The following RARB variants were observed in gnomAD, a reference collection of about 807,000 sequenced individuals.
RARB encodes the protein HBV-activated protein.
Under a neutral mutation model 51.9 loss-of-function variants are expected in RARB, and 17 were observed. The observed-to-expected ratio is 0.33, with a 90% CI of 0.22 to 0.49. The LOEUF is 0.49. Among genes scored for constraint, RARB ranks in the 20% least tolerant of loss-of-function variants. The probability of loss-of-function intolerance (pLI) is 0.99; values close to 1 mark genes in which losing one functional copy is unlikely to be tolerated. For missense variants in RARB, 369 were observed against 550.8 expected (o/e 0.67, Z 3.30); for synonymous variants, 215 against 195.4 (o/e 1.10, Z -0.84).
intron 4 of RARB, among the ~76,000 whole-genome samples, chr3:25,169,663 T>A (rs1041002245): frequency 3.9e-5 from 6 of 152,110 alleles, no homozygotes; most frequent in Admixed American, 1.3e-4. Flanking sequence ...TTAAGAGAGT[T>A]ATATCATATT....
At chr3:25,345,060 G>A (rs1178272087) in intron 5 of RARB, among the ~76,000 whole-genome samples, 1 of 152,186 alleles carries the variant, frequency 6.6e-6, no homozygotes, top group Non-Finnish European at 1.5e-5. Flanking sequence ...CAGACATGCT[G>A]AAGTTTGGAT....
At chr3:25,292,691 C>A (rs1703818788) in intron 5 of RARB, among the ~76,000 whole-genome samples, 1 of 152,152 alleles carries the variant, frequency 6.6e-6, no homozygotes, top group Admixed American at 6.5e-5. Flanking sequence ...AAGCTAGACT[C>A]CTCAGGAGCT....
chr3:25,375,589 A>G (rs763597774), intron 5 of RARB, among the ~76,000 whole-genome samples: 4 of 152,146 alleles, frequency 2.6e-5, no homozygotes, highest in Non-Finnish European at 4.4e-5. Context: ...GGGCTAATAT[A>G]TATAGGTCAA....
chr3:24,880,398 AAAG>A (rs1703136790), intron 2 of RARB, among the ~76,000 whole-genome samples: 1 of 152,190 alleles, frequency 6.6e-6, no homozygotes, highest in African/African-American at 2.4e-5. Context: ...TGGAGAGATA[AAAG>A]AAGATAAAGC....
At chr3:24,900,803 G>A (rs989100539) in intron 2 of RARB, among the ~76,000 whole-genome samples, 6 of 152,124 alleles carry the variant, frequency 3.9e-5, no homozygotes, top group Non-Finnish European at 5.9e-5. Context: ...GTGATACCAC[G>A]AAAGTGATGT....
At chr3:25,459,206 G>A (rs531202681) in intron 1 of RARB, among the ~76,000 whole-genome samples, 2 of 152,296 alleles carry the variant, frequency 1.3e-5, no homozygotes, top group African/African-American at 4.8e-5. Flanking sequence ...ATCATCTCTG[G>A]GAAGGTAGCA....
chr3:25,491,834 G>C (rs534113704), intron 2 of RARB, among the ~76,000 whole-genome samples: 141 of 152,120 alleles, frequency 9.3e-4, no homozygotes, highest in Non-Finnish European at 1.3e-3. Context: ...CTAGCTACTC[G>C]GAAGGCTGAG....
intron 3 of RARB, among the ~76,000 whole-genome samples, chr3:25,097,384 G>A (rs913267780): frequency 1.3e-5 from 2 of 152,148 alleles, no homozygotes; most frequent in African/African-American, 4.8e-5. Flanking sequence ...CATTGAGGGG[G>A]TTACTTGAAT....
At chr3:25,425,746 C>T (rs557794916), upstream of RARB, among the ~76,000 whole-genome samples, 6 of 152,116 alleles carry the variant, frequency 3.9e-5, no homozygotes, top group South Asian at 6.2e-4. Context: ...GTAAGAAATT[C>T]GGAAGCAGTG....
intron 5 of RARB, among the ~76,000 whole-genome samples, chr3:25,356,313 G>A (rs759665795): frequency 2.0e-5 from 3 of 151,798 alleles, no homozygotes; most frequent in Non-Finnish European, 4.4e-5. Context: ...TTTAACTATA[G>A]GAGGGAAAAA....
intron 4 of RARB, among the ~76,000 whole-genome samples, chr3:25,132,805 T>C (rs943682943): frequency 2.6e-5 from 4 of 151,928 alleles, no homozygotes; most frequent in Non-Finnish European, 5.9e-5. Context: ...CCACAATGTG[T>C]ATATGTATCA....
intron 3 of RARB, among the ~76,000 whole-genome samples, chr3:25,562,735 C>T (rs1352079949): frequency 3.3e-5 from 5 of 152,318 alleles, no homozygotes; most frequent in African/African-American, 1.2e-4. Flanking sequence ...CAAGGACGCG[C>T]ACCACACCGT....
Position 25,501,052 on chromosome 3 carries a change from A to G in RARB, c.307-130A>G, listed in dbSNP as rs912397031. 51 of 1,096,968 alleles carry G rather than the reference A, an allele frequency of 4.6e-5. No individual in the cohort carries two copies. The African/African-American group carries it at 7.3e-4, about 16-fold the overall frequency. 68.0% of individuals were successfully genotyped at this position (1,096,968 alleles called of 1,614,324 possible). On this transcript the variant is annotated intron_variant, in intron 2 of 7. Coordinates refer to ENST00000330688, the MANE Select transcript of RARB (RefSeq NM_000965.5). Reference sequence around the variant, plus strand: ...CTCACGAGGATTTTAAGGTTTATGTAAGTTAACTTTTCTGCTGCCATCACT... The same window carrying G: ...CTCACGAGGATTTTAAGGTTTATGTGAGTTAACTTTTCTGCTGCCATCACT...
At chr3:25,171,646 A>T (rs1478360408) in intron 4 of RARB, among the ~76,000 whole-genome samples, 1 of 145,786 alleles carries the variant, frequency 6.9e-6, no homozygotes, top group Non-Finnish European at 1.5e-5. Flanking sequence ...TGGTTGGTAA[A>T]AAAAAAAAAA....
chr3:25,345,195 G>A (rs372029411), intron 5 of RARB, among the ~76,000 whole-genome samples: 1 of 152,170 alleles, frequency 6.6e-6, no homozygotes, highest in Non-Finnish European at 1.5e-5. Flanking sequence ...GTTCAGTGCT[G>A]TAAGAGTCAA....
chr3:25,274,266 C>T (rs1703324904), intron 5 of RARB, among the ~76,000 whole-genome samples: 1 of 152,134 alleles, frequency 6.6e-6, no homozygotes, highest in Admixed American at 6.6e-5. Flanking sequence ...TGTTCAAAAT[C>T]CAGTGTGTAT....
chr3:25,157,433 T>C (rs1214102698), intron 4 of RARB, among the ~76,000 whole-genome samples: 1 of 151,734 alleles, frequency 6.6e-6, no homozygotes, highest in Admixed American at 6.6e-5. Flanking sequence ...AGACAGTGTC[T>C]CATCCTGTCA....
At chr3:24,880,478 G>C (rs1170832844) in intron 2 of RARB, among the ~76,000 whole-genome samples, 2 of 152,138 alleles carry the variant, frequency 1.3e-5, no homozygotes, top group Non-Finnish European at 2.9e-5. Flanking sequence ...AGTAGTTATG[G>C]TGGGGTAGTT....
intron 1 of RARB, among the ~76,000 whole-genome samples, chr3:24,849,072 C>T (rs1001049049): frequency 8.9e-4 from 136 of 152,208 alleles, no homozygotes; most frequent in Non-Finnish European, 1.3e-4. Flanking sequence ...CCAGTGGATG[C>T]CTGAAATGGA....
Sources: gnomAD v4.1 joint callset for allele counts (sites outside exome capture counted in the v4.1 genomes callset) on GRCh38, gnomAD v4.1.1 for gene constraint, MANE v1.5 for transcripts, NCBI Gene and HGNC (gene_info 2026-07-23, HGNC 2026-07-21) for gene names.